Variants in MAX observed in about 807,000 individuals in gnomAD.
MAX encodes the protein MYC associated transcriptional regulator X.
In MAX, 3 loss-of-function variants were observed where a neutral mutation model predicts 22.3. The observed-to-expected ratio is 0.13, with a 90% CI of 0.06 to 0.35. The LOEUF (loss-of-function observed/expected upper bound fraction) is 0.35, where lower values mean the gene tolerates loss of function less well. MAX is among the 10% of genes least tolerant of loss of function. The pLI, the probability that MAX is intolerant of heterozygous loss-of-function variation, is 1.00. For synonymous variants in MAX, 72 were observed against 77.7 expected (o/e 0.93, Z 0.39); for missense variants, 119 against 209.4 (o/e 0.57, Z 2.66).
chr14:65,035,554 G>T (rs1367993487), intron 3 of MAX, among the ~76,000 whole-genome samples: 3 of 151,838 alleles, frequency 2.0e-5, no homozygotes, highest in Non-Finnish European at 2.9e-5. Flanking sequence ...TTTTGAGACC[G>T]AGTCTTGCTC....
At chr14:65,019,928 T>C (rs2061854415) in intron 3 of MAX, among the ~76,000 whole-genome samples, 1 of 152,244 alleles carries the variant, frequency 6.6e-6, no homozygotes, top group South Asian at 2.1e-4. Flanking sequence ...TTTATTTATC[T>C]TGCACAGGGA....
rs1464431837 is a variant in MAX at position 65,088,816 on chromosome 14, A to G, written c.171+4892T>C. On this transcript the variant is annotated intron_variant, in intron 3 of 4. Transcript: ENST00000358664. This position sits in a 1 kb window ranked among gnomAD's most constrained non-coding sequence, Gnocchi z 5.2. ...TAATAATCACACAAATATATATAAA[A>G]CCTCATATATTAAGTATAATATATA... Among the ~76,000 whole-genome samples, 2 of 152,162 alleles carry G rather than the reference A, an allele frequency of 1.3e-5. No homozygotes were observed.
At chr14:65,072,501 C>T (rs985950564), downstream of MAX, among the ~76,000 whole-genome samples, 3 of 152,204 alleles carry the variant, frequency 2.0e-5, no homozygotes, top group East Asian at 5.8e-4. Flanking sequence ...CCTAACTTCC[C>T]CAACAGCGTC....
At chr14:65,055,046 C>T (rs751947872) in intron 3 of MAX, among the ~76,000 whole-genome samples, 1 of 152,244 alleles carries the variant, frequency 6.6e-6, no homozygotes, top group Non-Finnish European at 1.5e-5. Flanking sequence ...TGCAGCCATG[C>T]GGCACTGGCT....
chr14:65,028,142 C>T lies in MAX; in HGVS notation c.172-21858G>A, dbSNP rs1201961128. On this transcript the variant is annotated intron_variant, in intron 3 of 3. Coordinates refer to the MAX transcript ENST00000341653. This position sits in a 1 kb window ranked among gnomAD's most constrained non-coding sequence, Gnocchi z 4.4. ...AAGGGAGGGGAAAGTCCAGCAGGGCCTCAGTAAATACCTTCTGAGTGAATT... is the reference window on the plus strand; with the variant it reads ...AAGGGAGGGGAAAGTCCAGCAGGGCTTCAGTAAATACCTTCTGAGTGAATT... 6.6e-6 allele frequency among the ~76,000 whole-genome samples: 1 copy of T among 152,150 alleles called. No individual in the cohort carries two copies. The highest frequency in any genetic ancestry group is 1.5e-5 in the Non-Finnish European group (1 of 68,028).
Position 65,088,838 on chromosome 14 carries a change from T to C in MAX, c.171+4870A>G, listed in dbSNP as rs761000136. The stretch of plus-strand genomic sequence containing the variant: ...AAAACCTCATATATTAAGTATAATA[T>C]ATAAATGTGTGTACATAAAAGTATA... On this transcript the variant is annotated intron_variant, in intron 3 of 4. Transcript: ENST00000358664. The surrounding 1 kb of genome is among the most constrained non-coding windows in gnomAD (Gnocchi z 5.2). 5.9e-5 allele frequency among the ~76,000 whole-genome samples: 9 copies of C among 151,514 alleles called. No individual in the cohort carries two copies. The highest frequency in any genetic ancestry group is 2.1e-4 in the South Asian group (1 of 4,818).
At chr14:65,006,354 T>G in intron 3 of MAX, 2 of 1,598,376 alleles carry the variant, frequency 1.3e-6, no homozygotes, top group Non-Finnish European at 1.7e-6. Context: ...AAACCAAATC[T>G]CTGCATTAAC....
intron 3 of MAX, among the ~76,000 whole-genome samples, chr14:65,046,601 C>T (rs2062485739): frequency 6.6e-6 from 1 of 152,130 alleles, no homozygotes; most frequent in Non-Finnish European, 1.5e-5. Flanking sequence ...GGGAGAAGGC[C>T]TGTGTTGTCT....
At chr14:65,039,381 G>T (rs1311473471) in intron 3 of MAX, among the ~76,000 whole-genome samples, 1 of 152,164 alleles carries the variant, frequency 6.6e-6, no homozygotes, top group Non-Finnish European at 1.5e-5. Flanking sequence ...TAGCTTGTTG[G>T]ATATTCTGGA....
chr14:65,025,091 G>C (rs977773352), intron 3 of MAX, among the ~76,000 whole-genome samples: 2 of 152,218 alleles, frequency 1.3e-5, no homozygotes, highest in African/African-American at 4.8e-5. Flanking sequence ...TAATACGGAA[G>C]TGTCTGAGAT....
At chr14:65,034,785 G>T (rs1028134681) in intron 3 of MAX, among the ~76,000 whole-genome samples, 10 of 152,296 alleles carry the variant, frequency 6.6e-5, no homozygotes, top group Admixed American at 5.2e-4. Flanking sequence ...CCACATCTGT[G>T]TGTCCTGGAG....
intron 3 of MAX, among the ~76,000 whole-genome samples, chr14:65,019,870 T>C (rs2061853413): frequency 6.6e-6 from 1 of 152,264 alleles, no homozygotes; most frequent in Admixed American, 6.5e-5. Flanking sequence ...AGGACTTCTA[T>C]ATAAATAGAA....
chr14:65,051,407 T>TA (rs920219667), intron 3 of MAX, among the ~76,000 whole-genome samples: 4 of 152,192 alleles, frequency 2.6e-5, no homozygotes, highest in Admixed American at 1.3e-4. Context: ...GGTCAGGAGT[T>TA]AGAGAGCAGC....
chr14:65,017,280 T>C (rs1191982876), intron 3 of MAX, among the ~76,000 whole-genome samples: 1 of 152,124 alleles, frequency 6.6e-6, no homozygotes, highest in Non-Finnish European at 1.5e-5. Context: ...AAGTTTTCCC[T>C]TCACTCCTAC....
chr14:65,038,709 C>T (rs1222986195), intron 3 of MAX, among the ~76,000 whole-genome samples: 1 of 152,120 alleles, frequency 6.6e-6, no homozygotes, highest in Admixed American at 6.5e-5. Context: ...CAGAGCGAGA[C>T]TCTGTCTCAA....
Position 65,020,644 on chromosome 14 carries a change from A to C in MAX, c.172-14360T>G, listed in dbSNP as rs184486368. ...AGATTGGGTTTTACCATGTTGGCCA[A>C]GTTGGTCTCGAACTCCTGACCTCAG... On this transcript the variant is annotated intron_variant, in intron 3 of 3. Transcript: ENST00000341653. Among the ~76,000 whole-genome samples the C allele has an allele frequency of 1.9e-3, 285 of 151,186 alleles. 3 individuals are homozygous for C. Among genetic ancestry groups the C allele is most frequent in the Non-Finnish European group, 8.0e-4 (54 of 67,872 alleles).
chr14:65,075,362 C>A lies in MAX; in HGVS notation c.*1114G>T. 9.4e-7 allele frequency: 1 copy of A among 1,063,320 alleles called. No homozygotes were observed. The highest frequency in any genetic ancestry group is 1.1e-6 in the Non-Finnish European group (1 of 877,728). 65.9% of individuals were successfully genotyped at this position (1,063,320 alleles called of 1,614,324 possible). A position where few individuals can be genotyped will look rare whatever the true frequency, so the allele number is the denominator to read the frequency against. ...ACCCTTCACTGGCATCTGCTGACCA[C>A]AGCCAGAACCAGGGCTGGATCACAC... On this transcript the variant is annotated 3_prime_UTR_variant, in exon 5 of 5. Transcript: ENST00000358664. This position sits in a 1 kb window ranked among gnomAD's most constrained non-coding sequence, Gnocchi z 4.1.
chr14:65,008,947 G>A (rs1481717787), intron 3 of MAX, among the ~76,000 whole-genome samples: 2 of 152,122 alleles, frequency 1.3e-5, no homozygotes, highest in Non-Finnish European at 2.9e-5. Context: ...ACAGTGAGAC[G>A]GGGGCCCTCC....
At chr14:65,024,578 G>A (rs1327553104) in intron 3 of MAX, among the ~76,000 whole-genome samples, 1 of 152,186 alleles carries the variant, frequency 6.6e-6, no homozygotes, top group Non-Finnish European at 1.5e-5. Flanking sequence ...TGGCACGTAA[G>A]CTAGAATGAA....
Sources: gnomAD v4.1 joint callset for allele counts (sites outside exome capture counted in the v4.1 genomes callset) on GRCh38, gnomAD v4.1.1 for gene constraint, Gnocchi (gnomAD v3.1) non-coding constraint, MANE v1.5 for transcripts, NCBI Gene and HGNC (gene_info 2026-07-23, HGNC 2026-07-21) for gene names.